MYT1L: variants seen among roughly 807,000 people sequenced by gnomAD.
MYT1L encodes the protein myelin transcription factor 1 like.
A neutral mutation model predicts 126.7 loss-of-function variants in MYT1L; 12 were observed. The ratio of observed to expected loss-of-function variants is 0.09; its 90% CI spans 0.06 to 0.15. The LOEUF (loss-of-function observed/expected upper bound fraction) is 0.15, where lower values mean the gene tolerates loss of function less well. Ranked by LOEUF, MYT1L falls within the 10% of genes least tolerant of loss-of-function variation. The probability of loss-of-function intolerance (pLI) is 1.00; values close to 1 mark genes in which losing one functional copy is unlikely to be tolerated. For synonymous variants in MYT1L, 541 were observed against 604.2 expected, an observed-to-expected ratio of 0.90 and a Z score of 1.53; for missense variants, 979 against 1,585.2, an observed-to-expected ratio of 0.62 and a Z score of 6.49.
At position 2,262,932 on chromosome 2, in the gene MYT1L, A is replaced by ATATATATATAT. The variant is rs1553610292; in HGVS notation, c.-421+21471_-421+21472insATATATATATA. On this transcript the variant is annotated intron_variant, in intron 2 of 24. Transcript: ENST00000647738. ...GAGGCACAAATATATATATATATAT[A>ATATATATATAT]ACCTGTGATATATATATATATATCA... Among the ~76,000 whole-genome samples the ATATATATATAT allele has an allele frequency of 3.0e-3, 123 of 41,106 alleles. 22 individuals are homozygous for ATATATATATAT. Among genetic ancestry groups the ATATATATATAT allele is most frequent in the African/African-American group, 0.011 (103 of 9,378 alleles). 27.0% of individuals were successfully genotyped at this position (41,106 alleles called of 152,430 possible). A position where few individuals can be genotyped will look rare whatever the true frequency, so the allele number is the denominator to read the frequency against.
At chr2:2,207,481 G>A (rs745813665) in intron 2 of MYT1L, among the ~76,000 whole-genome samples, 17 of 152,120 alleles carry the variant, frequency 1.1e-4, no homozygotes, top group Admixed American at 4.6e-4. Flanking sequence ...ACAATACACC[G>A]TCAAGAACAA....
chr2:2,033,501 C>T (rs1337319776), intron 4 of MYT1L, among the ~76,000 whole-genome samples: 1 of 152,214 alleles, frequency 6.6e-6, no homozygotes, highest in Non-Finnish European at 1.5e-5. Flanking sequence ...CAGGATGGGA[C>T]CTGGGGGCAC....
intron 4 of MYT1L, among the ~76,000 whole-genome samples, chr2:2,004,188 T>C (rs1371246327): frequency 5.3e-5 from 8 of 150,978 alleles, no homozygotes; most frequent in Admixed American, 4.6e-4. Flanking sequence ...CCTCCTTTCC[T>C]GCAGGCGTTC....
chr2:2,315,389 T>C (rs58385194), intron 1 of MYT1L, among the ~76,000 whole-genome samples: 4,481 of 152,214 alleles, frequency 0.029, 128 homozygotes, highest in South Asian at 0.11. Context: ...ATGAAAAGCT[T>C]TGTATTGGGG....
chr2:1,923,191 T>C lies in MYT1L; in HGVS notation c.578A>G (p.Glu193Gly), dbSNP rs1354027562. Residue 193 changes from glutamate to glycine, a missense_variant, in exon 10 of 25, where the codon GAA becomes GGA. By Grantham distance (98) the Glu-to-Gly change is moderately conservative. Around this residue, in one of 12 missense-constraint regions of MYT1L, gnomAD observed 243 missense variants for 363.9 expected, o/e 0.67. Transcript: ENST00000647738. ...CACCAGTTCATCGTAATTGTCATATTCGTCATTATTGTTATCATCCTTTTC... is the reference window on the plus strand; with the variant it reads ...CACCAGTTCATCGTAATTGTCATATCCGTCATTATTGTTATCATCCTTTTC... ...DTEKDDNNND[E>G]YDNYDELVAK... The C allele has an allele frequency of 8.1e-6, 13 of 1,613,716 alleles. No individual in the cohort carries two copies. The highest frequency in any genetic ancestry group is 1.1e-5 in the Non-Finnish European group (13 of 1,179,780).
intron 2 of MYT1L, among the ~76,000 whole-genome samples, chr2:2,251,290 T>G (rs1023607414): frequency 6.6e-6 from 1 of 152,244 alleles, no homozygotes; most frequent in Non-Finnish European, 1.5e-5. Context: ...ATTAGTAAGA[T>G]AACAAGATAA....
chr2:1,944,708 C>A (rs2057032743), intron 8 of MYT1L, among the ~76,000 whole-genome samples: 1 of 152,176 alleles, frequency 6.6e-6, no homozygotes, highest in African/African-American at 2.4e-5. Flanking sequence ...TGGCACAGAT[C>A]TTCACACCAA....
intron 2 of MYT1L, among the ~76,000 whole-genome samples, chr2:2,262,863 A>G (rs1041958524): frequency 9.3e-5 from 12 of 129,246 alleles, no homozygotes; most frequent in African/African-American, 3.5e-4. Context: ...TGTTATGAAC[A>G]GTGATTTATT....
chr2:1,978,146 C>A (rs867096750), intron 8 of MYT1L, among the ~76,000 whole-genome samples: 1 of 152,030 alleles, frequency 6.6e-6, no homozygotes, highest in Non-Finnish European at 1.5e-5. Flanking sequence ...TACTAAAGAA[C>A]AATCAAAATA....
chr2:1,956,619 T>TACCTAC lies in MYT1L; in HGVS notation c.153-13286_153-13285insGTAGGT, dbSNP rs1553355915. Among the ~76,000 whole-genome samples, 4 of 134,356 alleles carry TACCTAC rather than the reference T, an allele frequency of 3.0e-5. No individual in the cohort carries two copies. In the South Asian group the frequency reaches 7.0e-4, roughly 24 times the overall value. 88.1% of individuals were successfully genotyped at this position (134,356 alleles called of 152,430 possible). On this transcript the variant is annotated intron_variant, in intron 8 of 24. Transcript: ENST00000647738. ...ATCTATCTATCTATCTATCTATCTATCTACCTACCTACCTATCTAGCTATC... is the reference window on the plus strand; with the variant it reads ...ATCTATCTATCTATCTATCTATCTATACCTACCTACCTACCTACCTATCTAGCTATC...
intron 1 of MYT1L, among the ~76,000 whole-genome samples, chr2:2,304,260 G>T (rs2095828596): frequency 6.6e-6 from 1 of 152,220 alleles, no homozygotes; most frequent in Non-Finnish European, 1.5e-5. Context: ...ACAGTCTGGT[G>T]TTGGGTAAAG....
At chr2:2,143,572 C>A (rs888865082) in intron 3 of MYT1L, among the ~76,000 whole-genome samples, 5 of 152,062 alleles carry the variant, frequency 3.3e-5, no homozygotes, top group African/African-American at 1.2e-4. Context: ...AGAGATTATT[C>A]TTCTCCTGAT....
chr2:1,851,404 C>T (rs1010741811), intron 19 of MYT1L, among the ~76,000 whole-genome samples: 2 of 152,068 alleles, frequency 1.3e-5, no homozygotes, highest in Non-Finnish European at 2.9e-5. Context: ...TCAGTGGGGC[C>T]ACTTGCACTG....
intron 9 of MYT1L, among the ~76,000 whole-genome samples, chr2:1,924,438 T>A (rs891694592): frequency 2.0e-5 from 3 of 152,146 alleles, no homozygotes; most frequent in Non-Finnish European, 4.4e-5. Flanking sequence ...GTAAGAAAAA[T>A]GTCTAAAGTT....
intron 3 of MYT1L, among the ~76,000 whole-genome samples, chr2:2,121,241 G>A (rs762834903): frequency 6.6e-6 from 1 of 152,158 alleles, no homozygotes; most frequent in Non-Finnish European, 1.5e-5. Flanking sequence ...GCGCGGTCTC[G>A]GCTCACTGCA....
intron 3 of MYT1L, among the ~76,000 whole-genome samples, chr2:2,166,673 GT>G (rs752373169): frequency 1.3e-5 from 2 of 152,090 alleles, no homozygotes; most frequent in Non-Finnish European, 1.5e-5. Flanking sequence ...TTTAAATTTT[GT>G]TTTTTGAATA....
chr2:2,310,111 CTCTA>C (rs1193194016), intron 1 of MYT1L, among the ~76,000 whole-genome samples: 1 of 152,016 alleles, frequency 6.6e-6, no homozygotes, highest in Non-Finnish European at 1.5e-5. Flanking sequence ...CTTTAGTACA[CTCTA>C]TCTATATTCC....
rs1558624593 is a variant in MYT1L at position 1,811,412 on chromosome 2, A to ATG, written c.3081-2246_3081-2245insCA. ...CATCAGCTCTGGCGTCATCAGCTCC[A>ATG]GCATCATCAGCTCCCGCGTCCTATC... is the stretch of plus-strand genomic sequence containing the variant. On this transcript the variant is annotated intron_variant, in intron 21 of 24. Transcript: ENST00000647738. This position sits in a 1 kb window ranked among gnomAD's most constrained non-coding sequence, Gnocchi z 4.4. 1.9e-5 allele frequency: 1 copy of ATG among 52,068 alleles called. No individual in the cohort carries two copies. Among genetic ancestry groups the ATG allele is most frequent in the African/African-American group, 7.4e-5 (1 of 13,520 alleles). 3.2% of individuals were successfully genotyped at this position (52,068 alleles called of 1,614,324 possible).
At chr2:2,180,181 T>C (rs1177794580) in intron 2 of MYT1L, among the ~76,000 whole-genome samples, 1 of 152,090 alleles carries the variant, frequency 6.6e-6, no homozygotes, top group Non-Finnish European at 1.5e-5. Flanking sequence ...ATGAATTGAA[T>C]AACAATAATG....
Sources: gnomAD v4.1 joint callset for allele counts (sites outside exome capture counted in the v4.1 genomes callset) on GRCh38, gnomAD v4.1.1 for gene constraint, gnomAD v4.1.1 regional missense constraint, Gnocchi (gnomAD v3.1) non-coding constraint, MANE v1.5 for transcripts, NCBI Gene and HGNC (gene_info 2026-07-23, HGNC 2026-07-21) for gene names.